The following C9orf153 variants were observed in gnomAD, a reference collection of about 807,000 sequenced individuals.
C9orf153 encodes chromosome 9 open reading frame 153.
C9orf153 carries 10 observed loss-of-function variants against 9.0 expected under a neutral mutation model. That is an observed-to-expected ratio of 1.11 (90% CI 0.69 to 1.89). The LOEUF is 1.89. Ranked by LOEUF, C9orf153 falls within the 40% of genes most tolerant of loss-of-function variation. The pLI is 0.00. For synonymous variants in C9orf153, 35 were observed against 37.3 expected (o/e 0.94, Z 0.23); for missense variants, 108 against 111.0 (o/e 0.97, Z 0.12).
Position 86,221,542 on chromosome 9 carries a change from T to C in C9orf153, c.*146A>G. ...TAACTTCCTTCATTTTGATAATCAA[T>C]TTGAGGATAAATGACCAAAGACTTG... On this transcript the variant is annotated 3_prime_UTR_variant, in exon 4 of 4. Transcript: ENST00000339137. 7.4e-7 allele frequency: 1 copy of C among 1,348,208 alleles called. No individual in the cohort carries two copies. Among genetic ancestry groups the C allele is most frequent in the South Asian group, 2.1e-5 (1 of 47,434 alleles). The allele number at this position is 1,348,208 out of a possible 1,614,324, so 83.5% of individuals were successfully genotyped here.
Position 86,227,872 on chromosome 9 carries a change from A to T in C9orf153, c.225T>A (p.Asp75Glu). 6.2e-7 allele frequency: 1 copy of T among 1,611,636 alleles called. No homozygotes were observed. The highest frequency in any genetic ancestry group is 8.5e-7 in the Non-Finnish European group (1 of 1,179,136). Reference sequence around the variant, plus strand: ...CTGTGCACCTGATAACAGGTTGGAGATCTCCTCTCACATCAGCGCCCCTGG... The same window carrying T: ...CTGTGCACCTGATAACAGGTTGGAGTTCTCCTCTCACATCAGCGCCCCTGG... ...SFTRGADVRG[D>E]LQPVIRKTIH... The change falls in exon 3 of 4, where the codon GAT becomes GAA. Residue 75 changes from aspartate (D) to glutamate (E), a missense_variant. Asp to Glu is a conservative substitution (Grantham distance 45). Coordinates refer to ENST00000339137, the MANE Select transcript of C9orf153 (RefSeq NM_001276366.4).
At chr9:86,249,012 T>C (rs1229263433) in intron 1 of C9orf153, among the ~76,000 whole-genome samples, 2 of 152,234 alleles carry the variant, frequency 1.3e-5, no homozygotes, top group Non-Finnish European at 2.9e-5. Flanking sequence ...GCATCTTTAT[T>C]TTATGTGATG....
chr9:86,240,707 C>CTTTTTTTTTTTTTTTTTTTTTTTTT (rs367674249), intron 1 of C9orf153, among the ~76,000 whole-genome samples: 1 of 117,012 alleles, frequency 8.5e-6, no homozygotes, highest in Non-Finnish European at 1.8e-5. Flanking sequence ...TTTTCTTTTT[C>CTTTTTTTTTTTTTTTTTTTTTTTTT]TTTTTTTTTT....
intron 3 of C9orf153, 21 bp from the exon 4 acceptor site, chr9:86,221,754 A>G: frequency 2.0e-6 from 3 of 1,481,396 alleles, no homozygotes; most frequent in Non-Finnish European, 2.8e-6. Flanking sequence ...TCATATTTTC[A>G]AAGAATCACA....
chr9:86,232,270 GA>G (rs1200218830), intron 1 of C9orf153, among the ~76,000 whole-genome samples: 2 of 152,230 alleles, frequency 1.3e-5, no homozygotes, highest in African/African-American at 2.4e-5. Context: ...TCCGAATGCT[GA>G]AACAGATCAC....
intron 1 of C9orf153, among the ~76,000 whole-genome samples, chr9:86,241,098 T>G (rs1033802518): frequency 6.6e-6 from 1 of 152,186 alleles, no homozygotes; most frequent in African/African-American, 2.4e-5. Context: ...AGCTTATTTT[T>G]TCTATGCTTA....
intron 1 of C9orf153, among the ~76,000 whole-genome samples, chr9:86,238,715 G>A (rs1310779547): frequency 6.6e-6 from 1 of 152,092 alleles, no homozygotes; most frequent in Non-Finnish European, 1.5e-5. Flanking sequence ...AGTTGAATGA[G>A]AGAAGTTAGT....
intron 3 of C9orf153, 117 bp from the exon 4 acceptor site, chr9:86,221,850 C>T: frequency 1.8e-6 from 1 of 560,844 alleles, no homozygotes; most frequent in Non-Finnish European, 3.1e-6. Context: ...CTCTTTCTGG[C>T]AGAAAGCCAT....
intron 1 of C9orf153, among the ~76,000 whole-genome samples, chr9:86,239,681 G>T (rs1824689465): frequency 6.6e-6 from 1 of 152,204 alleles, no homozygotes; most frequent in African/African-American, 2.4e-5. Context: ...TGACAGAAAA[G>T]TTCTCAAGTT....
In C9orf153 at chr9:86,221,557, C is replaced by A; in HGVS notation, c.*131G>T. On this transcript the variant is annotated 3_prime_UTR_variant, in exon 4 of 4. Transcript: ENST00000339137. ...TGATAATCAATTTGAGGATAAATGA[C>A]CAAAGACTTGCGAACTATAGGGGGG... 2 of 1,354,606 alleles carry A rather than the reference C, an allele frequency of 1.5e-6. No individual in the cohort carries two copies. The highest frequency in any genetic ancestry group is 3.6e-5 in the Admixed American group (1 of 27,846). 83.9% of individuals were successfully genotyped at this position (1,354,606 alleles called of 1,614,324 possible).
chr9:86,232,267 G>A (rs1426929682), intron 1 of C9orf153, among the ~76,000 whole-genome samples: 1 of 152,182 alleles, frequency 6.6e-6, no homozygotes, highest in Non-Finnish European at 1.5e-5. Flanking sequence ...GATTCCGAAT[G>A]CTGAAACAGA....
At chr9:86,252,010 G>T (rs752180943) in intron 1 of C9orf153, among the ~76,000 whole-genome samples, 50 of 134,238 alleles carry the variant, frequency 3.7e-4, no homozygotes, top group Non-Finnish European at 7.0e-4. Context: ...TTGGTCTCAT[G>T]CTGTCGTTAT....
chr9:86,242,144 T>C (rs1478369891), intron 1 of C9orf153, among the ~76,000 whole-genome samples: 1 of 151,906 alleles, frequency 6.6e-6, no homozygotes, highest in Non-Finnish European at 1.5e-5. Context: ...CCTGTAGAGG[T>C]GACACTGAGC....
At chr9:86,229,781 C>G (rs958668272) in intron 1 of C9orf153, among the ~76,000 whole-genome samples, 152 bp from the exon 2 acceptor site, 6 of 152,082 alleles carry the variant, frequency 3.9e-5, no homozygotes, top group African/African-American at 1.2e-4. Context: ...TTGAATTGCT[C>G]TAAAGAAATA....
chr9:86,228,998 C>A, intron 2 of C9orf153: 1 of 265,536 alleles, frequency 3.8e-6, no homozygotes, highest in Non-Finnish European at 7.7e-6. Context: ...GCGACAAGGG[C>A]CCGTGGACCA....
intron 1 of C9orf153, among the ~76,000 whole-genome samples, chr9:86,237,715 C>T (rs1023547940): frequency 6.6e-6 from 1 of 152,098 alleles, no homozygotes; most frequent in African/African-American, 2.4e-5. Flanking sequence ...TGAGGAGGGG[C>T]TTTACATAAT....
intron 1 of C9orf153, among the ~76,000 whole-genome samples, chr9:86,250,471 G>A (rs1824970425): frequency 6.6e-6 from 1 of 152,184 alleles, no homozygotes; most frequent in Non-Finnish European, 1.5e-5. Context: ...ATTGGTTTCT[G>A]AGCCCCAACA....
chr9:86,238,003 T>C (rs1291780553), intron 1 of C9orf153, among the ~76,000 whole-genome samples: 1 of 152,122 alleles, frequency 6.6e-6, no homozygotes, highest in Non-Finnish European at 1.5e-5. Flanking sequence ...GAGAATAGCT[T>C]GAACCCTGGA....
chr9:86,241,297 C>G lies in C9orf153; in HGVS notation c.-26-11668G>C, dbSNP rs1475242842. On this transcript the variant is annotated intron_variant, in intron 1 of 3. Transcript: ENST00000339137. ...CTGCCTGGGCACAAGCCAGAGATGC[C>G]AGGAGAGAACTGGGGCTGCATGTTC... 2.0e-5 allele frequency among the ~76,000 whole-genome samples: 3 copies of G among 152,260 alleles called. No individual in the cohort carries two copies. In the East Asian group the frequency reaches 5.8e-4, roughly 30 times the overall value.
Sources: gnomAD v4.1 joint callset for allele counts (sites outside exome capture counted in the v4.1 genomes callset) on GRCh38, gnomAD v4.1.1 for gene constraint, MANE v1.5 for transcripts, NCBI Gene and HGNC (gene_info 2026-07-23, HGNC 2026-07-21) for gene names.